KDM3B: variants seen among roughly 807,000 people sequenced by gnomAD.
KDM3B encodes lysine demethylase 3B, also known as lysine-specific demethylase 3B.
In KDM3B, 10 loss-of-function variants were observed where a neutral mutation model predicts 170.0. That is an observed-to-expected ratio of 0.06 (90% CI 0.04 to 0.10). The LOEUF is 0.10. Among genes scored for constraint, KDM3B ranks in the 10% least tolerant of loss-of-function variants. KDM3B has a pLI of 1.00. For synonymous variants in KDM3B, 831 were observed against 834.8 expected, an observed-to-expected ratio of 1.00 and a Z score of 0.08; for missense variants, 1,394 against 2,195.2, an observed-to-expected ratio of 0.64 and a Z score of 7.29.
At chr5:138,398,748 A>T (rs1305643475) in intron 10 of KDM3B, among the ~76,000 whole-genome samples, 1 of 152,144 alleles carries the variant, frequency 6.6e-6, no homozygotes, top group Non-Finnish European at 1.5e-5. Flanking sequence ...TTGTAAATAG[A>T]TGGTGTGCTA....
chr5:138,432,772 A>G (rs950589327), intron 23 of KDM3B, among the ~76,000 whole-genome samples: 25 of 152,202 alleles, frequency 1.6e-4, no homozygotes, highest in African/African-American at 5.8e-4. Flanking sequence ...GGTTGTTGAT[A>G]GATCAGATTG....
At chr5:138,390,881 C>T in intron 7 of KDM3B, 132 bp from the exon 8 acceptor site, 1 of 789,736 alleles carries the variant, frequency 1.3e-6, no homozygotes, top group East Asian at 2.7e-5. Flanking sequence ...AGAGCAGATC[C>T]ATGGAATTGT....
chr5:138,418,757 T>C (rs1250499160), intron 13 of KDM3B, among the ~76,000 whole-genome samples, 196 bp from the exon 14 acceptor site: 1 of 152,248 alleles, frequency 6.6e-6, no homozygotes, highest in Non-Finnish European at 1.5e-5. Context: ...TTCACTGATC[T>C]TTCCACAGAA....
In KDM3B at chr5:138,391,505, C is replaced by G; in HGVS notation, c.1873C>G (p.Pro625Ala). 6.2e-7 allele frequency: 1 copy of G among 1,614,074 alleles called. No individual in the cohort carries two copies. The highest frequency in any genetic ancestry group is 8.5e-7 in the Non-Finnish European group (1 of 1,180,038). The stretch of plus-strand genomic sequence containing the variant: ...GAATCATGAAAATCTATTTTTACAG[C>G]CCCCCAAATTGTCCCGAGAAGAGCC... ...PENHENLFLQ[P>A]PKLSREEPSN... is the part of the protein sequence containing the mutation. The change falls in exon 8 of 24, where the codon CCC becomes GCC. Residue 625 changes from proline (P) to alanine (A), a missense_variant. Around this residue, in one of 19 missense-constraint regions of KDM3B, gnomAD observed 294 missense variants for 311.7 expected, o/e 0.94. Coordinates refer to ENST00000314358, the MANE Select transcript of KDM3B (RefSeq NM_016604.4). This position sits in a 1 kb window ranked among gnomAD's most constrained non-coding sequence, Gnocchi z 5.0.
At chr5:138,400,693 G>A (rs1269038898) in intron 11 of KDM3B, among the ~76,000 whole-genome samples, 3 of 151,946 alleles carry the variant, frequency 2.0e-5, no homozygotes, top group Non-Finnish European at 4.4e-5. Context: ...AGGTTATAGT[G>A]AGCTATGATC....
chr5:138,391,648 C>T lies in KDM3B; in HGVS notation c.2016C>T (p.Pro672=), dbSNP rs1425383692. ...CCACTGTCACCTCCAAGGTGGCACCCAGCTGGCCCGAGTCTCACTCCTCTG... is the reference window on the plus strand; with the variant it reads ...CCACTGTCACCTCCAAGGTGGCACCTAGCTGGCCCGAGTCTCACTCCTCTG... The part of the protein sequence containing the change: ...SATTVTSKVA[P]SWPESHSSAD... The change falls in exon 8 of 24, where the codon CCC becomes CCT. Residue 672 remains proline (P), a synonymous_variant. Coordinates refer to ENST00000314358, the MANE Select transcript of KDM3B (RefSeq NM_016604.4). The surrounding 1 kb of genome is among the most constrained non-coding windows in gnomAD (Gnocchi z 5.0). The T allele has an allele frequency of 6.2e-7, 1 of 1,614,042 alleles. No individual in the cohort carries two copies. The highest frequency in any genetic ancestry group is 1.3e-5 in the African/African-American group (1 of 74,922).
intron 11 of KDM3B, among the ~76,000 whole-genome samples, chr5:138,411,675 A>T (rs974277257): frequency 4.6e-5 from 7 of 151,908 alleles, no homozygotes; most frequent in African/African-American, 1.7e-4. Flanking sequence ...AATGAAAAAT[A>T]TAAAAGTTTA....
At chr5:138,416,247 A>G (rs1167142763) in intron 12 of KDM3B, among the ~76,000 whole-genome samples, 1 of 152,130 alleles carries the variant, frequency 6.6e-6, no homozygotes, top group Non-Finnish European at 1.5e-5. Flanking sequence ...CATCCATTGA[A>G]GATGATGACT....
In KDM3B at chr5:138,358,835, C is replaced by T. The variant is rs982048461; in HGVS notation, c.192+5848C>T. Among the ~76,000 whole-genome samples the T allele has an allele frequency of 2.7e-5, 4 of 150,760 alleles. No homozygotes were observed. The South Asian group carries it at 6.3e-4, about 24-fold the overall frequency. On this transcript the variant is annotated intron_variant, in intron 1 of 23. Coordinates refer to ENST00000314358, the MANE Select transcript of KDM3B (RefSeq NM_016604.4). ...TACTTTAAGTTTTAGGGTATATGTG[C>T]ACAATGTGCAGGTTAGTTACACGTG...
intron 11 of KDM3B, among the ~76,000 whole-genome samples, chr5:138,413,402 C>T (rs1272083538): frequency 1.3e-5 from 2 of 151,366 alleles, no homozygotes; most frequent in African/African-American, 4.8e-5. Flanking sequence ...AAAAGAAAAC[C>T]GGACAGTATC....
chr5:138,418,683 A>G (rs1323800919), intron 13 of KDM3B, among the ~76,000 whole-genome samples: 2 of 152,252 alleles, frequency 1.3e-5, no homozygotes, highest in Non-Finnish European at 2.9e-5. Context: ...TAAATTACCA[A>G]TTCACCATTG....
chr5:138,370,201 T>A (rs1483080730), intron 1 of KDM3B, among the ~76,000 whole-genome samples: 1 of 152,248 alleles, frequency 6.6e-6, no homozygotes, highest in African/African-American at 2.4e-5. Flanking sequence ...GTAAAAATCA[T>A]GCTTCTCTCT....
At chr5:138,410,693 A>T (rs879886776) in intron 11 of KDM3B, among the ~76,000 whole-genome samples, 1 of 152,208 alleles carries the variant, frequency 6.6e-6, no homozygotes, top group Admixed American at 6.5e-5. Context: ...TATTGGATAC[A>T]AAGCAAAAGG....
intron 11 of KDM3B, among the ~76,000 whole-genome samples, chr5:138,405,769 A>G (rs777540285): frequency 4.6e-5 from 7 of 152,362 alleles, no homozygotes; most frequent in Non-Finnish European, 1.0e-4. Context: ...TAGTAACAAT[A>G]TATTTTGGGG....
Position 138,427,330 on chromosome 5 carries a change from G to A in KDM3B, c.4633+11G>A, listed in dbSNP as rs1561796372. ...TGTACAACGCCTATGGTATGAGGGA[G>A]AGGCTAAAATTGCTCTTTTGGGGGA... On this transcript the variant is annotated intron_variant, in intron 19 of 23. Transcript: ENST00000314358. The A allele has an allele frequency of 6.2e-7, 1 of 1,601,870 alleles. No individual in the cohort carries two copies. Among genetic ancestry groups the A allele is most frequent in the African/African-American group, 1.3e-5 (1 of 74,618 alleles).
chr5:138,379,630 G>T lies in KDM3B; in HGVS notation c.627G>T (p.Glu209Asp). ...QGHRVKIYQP[E>D]GEEGWLYGVV... ...ACAGGGTCAAAATATATCAGCCAGA[G>T]GGGGAAGAAGGGTGGCTCTATGGTG... Residue 209 changes from glutamate to aspartate, a missense_variant, in exon 5 of 24, where the codon GAG becomes GAT. By Grantham distance (45) the Glu-to-Asp change is conservative (BLOSUM62 2). Transcript: ENST00000314358. The T allele has an allele frequency of 6.2e-7, 1 of 1,613,704 alleles. No homozygotes were observed.
intron 1 of KDM3B, among the ~76,000 whole-genome samples, chr5:138,358,594 C>T (rs1276402152): frequency 1.1e-4 from 15 of 136,154 alleles, no homozygotes; most frequent in Non-Finnish European, 2.4e-4. Flanking sequence ...TCATGAGCCA[C>T]CGCACCCAGC....
rs148235226 is a variant in KDM3B, at chr5:138,360,633, A to T, written c.192+7646A>T. The stretch of plus-strand genomic sequence containing the variant: ...TTCACCCAGGCTGGAGTGCAGTGGC[A>T]CATTGTCGGCTTGCTGCAACCTCCA... On this transcript the variant is annotated intron_variant, in intron 1 of 23. Transcript: ENST00000314358. 7.8e-4 allele frequency among the ~76,000 whole-genome samples: 112 copies of T among 144,154 alleles called. 1 individual carries two copies. The East Asian group carries it at 0.017, about 22-fold the overall frequency. The allele number at this position is 144,154 out of a possible 152,430, so 94.6% of individuals were successfully genotyped here.
intron 20 of KDM3B, 110 bp downstream of exon 20, chr5:138,428,196 C>A: frequency 5.0e-5 from 53 of 1,054,888 alleles, no homozygotes; most frequent in Non-Finnish European, 6.0e-5. Flanking sequence ...TTTTCTTTTT[C>A]TTTTTTCTGT....
Sources: allele counts gnomAD v4.1 joint callset (sites outside exome capture counted in the v4.1 genomes callset), GRCh38; gene constraint gnomAD v4.1.1; regional missense constraint gnomAD v4.1.1; non-coding constraint Gnocchi (gnomAD v3.1); transcripts MANE v1.5; gene names NCBI Gene and HGNC (gene_info 2026-07-23, HGNC 2026-07-21).